The following PDLIM1 variants were observed in gnomAD, a reference collection of about 807,000 sequenced individuals.
The protein encoded by PDLIM1 is PDZ and LIM domain 1.
PDLIM1 carries 25 observed loss-of-function variants against 35.2 expected under a neutral mutation model. The ratio of observed to expected loss-of-function variants is 0.71; its 90% CI spans 0.52 to 0.99. PDLIM1 has a LOEUF of 0.99. Ranked by LOEUF, PDLIM1 falls within the 50% of genes least tolerant of loss-of-function variation. The probability of loss-of-function intolerance (pLI) is 0.00; values close to 1 mark genes in which losing one functional copy is unlikely to be tolerated. For synonymous variants in PDLIM1, 152 were observed against 154.0 expected, an observed-to-expected ratio of 0.99 and a Z score of 0.10; for missense variants, 363 against 415.3, an observed-to-expected ratio of 0.87 and a Z score of 1.09.
intron 1 of PDLIM1, among the ~76,000 whole-genome samples, chr10:95,277,797 A>G (rs1200007288): frequency 6.6e-6 from 1 of 152,130 alleles, no homozygotes; most frequent in East Asian, 1.9e-4. Flanking sequence ...AGAGGCCAAC[A>G]TGTTCTCCAC....
At chr10:95,260,846 A>C (rs1399683305) in intron 4 of PDLIM1, among the ~76,000 whole-genome samples, 1 of 152,218 alleles carries the variant, frequency 6.6e-6, no homozygotes, top group Non-Finnish European at 1.5e-5. Context: ...CTGAGCAAGC[A>C]AAGTTACCAG....
chr10:95,271,160 G>A lies in PDLIM1; in HGVS notation c.248+473C>T, dbSNP rs561869315. ...CACCGTGAAAATCAGAGGGGGGCTG[G>A]GCACGGTGGCTCACACCTGTAATCC... On this transcript the variant is annotated intron_variant, in intron 2 of 6. Transcript: ENST00000329399. Among the ~76,000 whole-genome samples the A allele has an allele frequency of 2.0e-5, 3 of 151,992 alleles. No individual in the cohort carries two copies. The South Asian group carries it at 6.2e-4, about 32-fold the overall frequency.
In PDLIM1 at chr10:95,237,666, AGAG is replaced by A; in HGVS notation, c.*256_*258del. ...AATTTGGCTGATGTCCAAATGCAGCAGAGAAGAACGGTGGGGCGAAGGGACACA... is the reference window on the plus strand; with the variant it reads ...AATTTGGCTGATGTCCAAATGCAGCAAAGAACGGTGGGGCGAAGGGACACA... On this transcript the variant is annotated 3_prime_UTR_variant, in exon 7 of 7. Transcript: ENST00000329399. 1 of 468,530 alleles carries A rather than the reference AGAG, an allele frequency of 2.1e-6. No individual in the cohort carries two copies. 29.0% of individuals were successfully genotyped at this position (468,530 alleles called of 1,614,324 possible).
In PDLIM1 at chr10:95,238,572, T is replaced by C; in HGVS notation, c.799A>G (p.Ile267Val). ...CTGTGGGAAGCAGATACTCACACAA[T>C]CCCAGTGCCACATTTGTCACACATA... ...LPMCDKCGTG[I>V]VGVFVKLRDR... Residue 267 changes from isoleucine to valine, a missense_variant, in exon 6 of 7, where the codon ATT becomes GTT. By Grantham distance (29) the Ile-to-Val change is conservative. Transcript: ENST00000329399. 6.3e-7 allele frequency: 1 copy of C among 1,593,476 alleles called. No homozygotes were observed. The highest frequency in any genetic ancestry group is 8.6e-7 in the Non-Finnish European group (1 of 1,161,772).
chr10:95,261,837 C>T (rs2035364262), intron 4 of PDLIM1, among the ~76,000 whole-genome samples: 1 of 152,046 alleles, frequency 6.6e-6, no homozygotes, highest in African/African-American at 2.4e-5. Flanking sequence ...GGAGAAACCC[C>T]ATCTATACTA....
Position 95,237,817 on chromosome 10 carries a change from G to T in PDLIM1, c.*108C>A. On this transcript the variant is annotated 3_prime_UTR_variant, in exon 7 of 7. Transcript: ENST00000329399. ...GGGGACTCAATGTTTTACAAGCAGA[G>T]GGAAAACCAAAGTAAGCAGAGAACT... 1.0e-6 allele frequency: 1 copy of T among 954,594 alleles called. No individual in the cohort carries two copies. The allele number at this position is 954,594 out of a possible 1,614,324, so 59.1% of individuals were successfully genotyped here.
intron 2 of PDLIM1, 53 bp from the exon 3 acceptor site, chr10:95,268,915 T>C (rs2035438598): frequency 2.3e-6 from 3 of 1,287,556 alleles, no homozygotes; most frequent in Non-Finnish European, 3.4e-6. Context: ...AAATAATATA[T>C]ACCAAAGACA....
intron 5 of PDLIM1, among the ~76,000 whole-genome samples, chr10:95,246,875 T>C (rs1168069442): frequency 2.0e-5 from 3 of 152,130 alleles, no homozygotes; most frequent in Non-Finnish European, 4.4e-5. Flanking sequence ...CAAGGTATTG[T>C]TTCTGGGCTC....
At chr10:95,283,489 G>A (rs1485864234) in intron 1 of PDLIM1, among the ~76,000 whole-genome samples, 2 of 152,178 alleles carry the variant, frequency 1.3e-5, no homozygotes, top group Non-Finnish European at 2.9e-5. Context: ...GTAAAAATAA[G>A]GCAGAAAGCA....
chr10:95,261,481 G>T (rs1040301892), intron 4 of PDLIM1, among the ~76,000 whole-genome samples: 2 of 152,072 alleles, frequency 1.3e-5, no homozygotes, highest in African/African-American at 4.8e-5. Flanking sequence ...AGCCTAGGGG[G>T]ACCAGTATGA....
In PDLIM1 at chr10:95,264,028, A is replaced by T. The variant is rs945497385; in HGVS notation, c.369T>A (p.Ser123Arg). The change falls in exon 4 of 7, where the codon AGT becomes AGA. Residue 123 changes from serine (S) to arginine (R), a missense_variant. Coordinates refer to ENST00000329399, the MANE Select transcript of PDLIM1 (RefSeq NM_020992.4). ...CAGGCGAGGCGGTAAAGGGCATGGC[A>T]CTTCGGTTGTGGGCGCTTCCTATGT... ...VLHIGSAHNR[S>R]AMPFTASPAS... The T allele has an allele frequency of 1.2e-6, 2 of 1,613,702 alleles. No individual in the cohort carries two copies. The highest frequency in any genetic ancestry group is 1.3e-5 in the African/African-American group (1 of 75,010).
rs1049989 is a variant in PDLIM1 at position 95,237,722 on chromosome 10, A to C, written c.*203T>G. ...GTTGCTGACAAGGTGACACTGAACAAAACAGTTTTCCTTTAATTGTAAAAG... is the reference window on the plus strand; with the variant it reads ...GTTGCTGACAAGGTGACACTGAACACAACAGTTTTCCTTTAATTGTAAAAG... On this transcript the variant is annotated 3_prime_UTR_variant, in exon 7 of 7. Coordinates refer to ENST00000329399, the MANE Select transcript of PDLIM1 (RefSeq NM_020992.4). The C allele has an allele frequency of 0.69, 391,004 of 567,644 alleles. 144,082 individuals are homozygous for C. The highest frequency in any genetic ancestry group is 0.79 in the Non-Finnish European group (252,275 of 320,090). The allele number at this position is 567,644 out of a possible 1,614,324, so 35.2% of individuals were successfully genotyped here. A position where few individuals can be genotyped will look rare whatever the true frequency, so the allele number is the denominator to read the frequency against.
chr10:95,259,751 A>G (rs1366041668), intron 4 of PDLIM1, among the ~76,000 whole-genome samples: 2 of 152,206 alleles, frequency 1.3e-5, no homozygotes. Context: ...TGAATAGAAA[A>G]TGATGCATCC....
chr10:95,281,477 A>T (rs1564606474), intron 1 of PDLIM1, among the ~76,000 whole-genome samples: 1 of 152,150 alleles, frequency 6.6e-6, no homozygotes, highest in Non-Finnish European at 1.5e-5. Flanking sequence ...AGGTGGAAGG[A>T]TCGCTTAAAC....
chr10:95,251,093 C>T (rs1165289482), intron 4 of PDLIM1, among the ~76,000 whole-genome samples: 1 of 152,156 alleles, frequency 6.6e-6, no homozygotes, highest in Non-Finnish European at 1.5e-5. Flanking sequence ...GCCAAAAGGG[C>T]AGCTGGGGTG....
chr10:95,245,256 T>C (rs1323389714), intron 5 of PDLIM1, among the ~76,000 whole-genome samples: 1 of 152,242 alleles, frequency 6.6e-6, no homozygotes, highest in Non-Finnish European at 1.5e-5. Context: ...CTGGCTCATC[T>C]GAAATTGGAA....
intron 4 of PDLIM1, among the ~76,000 whole-genome samples, chr10:95,253,415 C>T (rs775259942): frequency 2.6e-5 from 4 of 152,036 alleles, no homozygotes; most frequent in Non-Finnish European, 4.4e-5. Context: ...AAAGAAGGAA[C>T]CAGCCAGGCA....
At chr10:95,238,732 A>AT in intron 5 of PDLIM1, 47 bp from the exon 6 acceptor site, 2 of 1,172,234 alleles carry the variant, frequency 1.7e-6, no homozygotes, top group South Asian at 2.4e-5. Context: ...GCAGAATTGC[A>AT]TAAGTATCAC....
chr10:95,263,781 TTGCAC>T, intron 4 of PDLIM1, 78 bp downstream of exon 4: 3 of 1,038,174 alleles, frequency 2.9e-6, no homozygotes, highest in Admixed American at 2.4e-5. Context: ...GTAGTGGCTC[TTGCAC>T]CTGCCTGGGC....
Sources: gnomAD v4.1 joint callset for allele counts (sites outside exome capture counted in the v4.1 genomes callset) on GRCh38, gnomAD v4.1.1 for gene constraint, MANE v1.5 for transcripts, NCBI Gene and HGNC (gene_info 2026-07-23, HGNC 2026-07-21) for gene names.